Variants in SLC5A4 observed in about 807,000 individuals in gnomAD.
SLC5A4 encodes solute carrier family 5 member 4.
SLC5A4 carries 55 observed loss-of-function variants against 70.3 expected under a neutral mutation model. That is an observed-to-expected ratio of 0.78 (90% CI 0.63 to 0.98). The LOEUF is 0.98. SLC5A4 is among the 50% of genes least tolerant of loss of function. The pLI is 0.00. For missense variants in SLC5A4, 735 were observed against 839.2 expected (o/e 0.88, Z 1.53); for synonymous variants, 268 against 305.7 (o/e 0.88, Z 1.29).
the SLC5A4 span, among the ~76,000 whole-genome samples, chr22:32,306,199 C>T: frequency 6.6e-6 from 1 of 152,220 alleles, no homozygotes; most frequent in Non-Finnish European, 1.5e-5. Flanking sequence ...GGCGCGGTGG[C>T]TCACGCCTGT....
At chr22:32,255,917 G>C (rs759879445), upstream of SLC5A4, among the ~76,000 whole-genome samples, 6 of 152,164 alleles carry the variant, frequency 3.9e-5, no homozygotes, top group Non-Finnish European at 7.3e-5. Flanking sequence ...CAGAGCTGTG[G>C]AGAGCGCTGG....
rs764155612 is a variant in SLC5A4 at position 32,239,538 on chromosome 22, AT to A, written c.478-449del. On this transcript the variant is annotated intron_variant, in intron 5 of 14. Transcript: ENST00000266086. ...GCATATTATATATATATATATATAT[AT>A]ATATATATATATATATATATATATA... Among the ~76,000 whole-genome samples, 202 of 62,874 alleles carry A rather than the reference AT, an allele frequency of 3.2e-3. 7 individuals carry two copies. The highest frequency in any genetic ancestry group is 8.1e-3 in the Middle Eastern group (1 of 124). 41.2% of individuals were successfully genotyped at this position (62,874 alleles called of 152,430 possible). A position where few individuals can be genotyped will look rare whatever the true frequency, so the allele number is the denominator to read the frequency against.
chr22:32,326,114 T>TA, the SLC5A4 span, among the ~76,000 whole-genome samples: 1 of 152,132 alleles, frequency 6.6e-6, no homozygotes, highest in South Asian at 2.1e-4. Context: ...TCTGTGACAA[T>TA]AACCCTTCCT....
At chr22:32,273,378 A>G in the SLC5A4 span, 8 of 175,044 alleles carry the variant, frequency 4.6e-5, no homozygotes, top group African/African-American at 1.9e-4. Flanking sequence ...CTCCATGTCC[A>G]CAGAGGAATG....
At chr22:32,306,426 A>G in the SLC5A4 span, among the ~76,000 whole-genome samples, 6 of 151,016 alleles carry the variant, frequency 4.0e-5, no homozygotes, top group Non-Finnish European at 8.8e-5. Context: ...AGATTGCACC[A>G]CTGCACTCCA....
chr22:32,231,692 T>C (rs1925774653), intron 9 of SLC5A4, among the ~76,000 whole-genome samples: 1 of 152,234 alleles, frequency 6.6e-6, no homozygotes, highest in South Asian at 2.1e-4. Flanking sequence ...CTAATCCTTT[T>C]CTATAGAGAA....
At chr22:32,249,456 T>C (rs1005203569) in intron 3 of SLC5A4, among the ~76,000 whole-genome samples, 5 of 152,136 alleles carry the variant, frequency 3.3e-5, no homozygotes, top group African/African-American at 1.2e-4. Flanking sequence ...GGAGACTGGC[T>C]TCATTCTGGT....
chr22:32,237,896 T>C (rs1225084218), intron 6 of SLC5A4, among the ~76,000 whole-genome samples: 1 of 152,100 alleles, frequency 6.6e-6, no homozygotes, highest in African/African-American at 2.4e-5. Context: ...GAGAGTGTCA[T>C]GAGAAAATAA....
At chr22:32,257,338 G>A (rs1451687200), upstream of SLC5A4, among the ~76,000 whole-genome samples, 1 of 152,128 alleles carries the variant, frequency 6.6e-6, no homozygotes, top group Non-Finnish European at 1.5e-5. Flanking sequence ...TATTTTTGTT[G>A]CTGTTGAATT....
chr22:32,330,998 G>GTTTT, the SLC5A4 span, among the ~76,000 whole-genome samples: 560 of 1,696 alleles, frequency 0.33, 27 homozygotes, highest in Non-Finnish European at 0.36. Context: ...GGGCTCTGGT[G>GTTTT]TGTGTGTTGG....
At chr22:32,340,024 GAAGTA>G in the SLC5A4 span, among the ~76,000 whole-genome samples, 1 of 152,262 alleles carries the variant, frequency 6.6e-6, no homozygotes, top group South Asian at 2.1e-4. Context: ...CACAGGGAGA[GAAGTA>G]AAGGCAGAGA....
At chr22:32,295,904 T>G in the SLC5A4 span, among the ~76,000 whole-genome samples, 1 of 38,392 alleles carries the variant, frequency 2.6e-5, no homozygotes, top group Non-Finnish European at 4.8e-5. Context: ...CACCATTTAT[T>G]AAATAGGGAA....
intron 11 of SLC5A4, among the ~76,000 whole-genome samples, chr22:32,228,456 C>T (rs905139752): frequency 7.2e-5 from 11 of 151,832 alleles, no homozygotes; most frequent in Non-Finnish European, 1.3e-4. Flanking sequence ...GCAGGAGAAT[C>T]GCTTGAACCC....
the SLC5A4 span, among the ~76,000 whole-genome samples, chr22:32,306,731 CTTG>C: frequency 7.2e-5 from 11 of 152,172 alleles, no homozygotes; most frequent in Non-Finnish European, 1.3e-4. Context: ...GGTCTCCTGC[CTTG>C]TTAAGGTGAC....
At chr22:32,286,947 G>A in the SLC5A4 span, among the ~76,000 whole-genome samples, 1 of 152,082 alleles carries the variant, frequency 6.6e-6, no homozygotes, top group African/African-American at 2.4e-5. Context: ...ATTACCTCAG[G>A]GCAAAAGGCA....
At chr22:32,281,315 G>A in the SLC5A4 span, among the ~76,000 whole-genome samples, 22 of 152,126 alleles carry the variant, frequency 1.4e-4, no homozygotes, top group Non-Finnish European at 2.6e-4. Flanking sequence ...TGCTCCCAAC[G>A]GGGCCGCATC....
At chr22:32,224,531 G>T in intron 12 of SLC5A4, 49 bp from the exon 13 acceptor site, 1 of 1,412,240 alleles carries the variant, frequency 7.1e-7, no homozygotes, top group Non-Finnish European at 1.0e-6. Flanking sequence ...AATATGAGAA[G>T]CTTATTCAAG....
intron 14 of SLC5A4, among the ~76,000 whole-genome samples, chr22:32,219,429 A>T (rs934154000): frequency 6.6e-6 from 1 of 152,156 alleles, no homozygotes; most frequent in African/African-American, 2.4e-5. Context: ...AAATGTTTAT[A>T]AAAATCACAA....
the SLC5A4 span, among the ~76,000 whole-genome samples, chr22:32,339,574 CGGGCCCT>C: frequency 5.4e-4 from 83 of 152,318 alleles, no homozygotes; most frequent in Middle Eastern, 0.01. Context: ...TCTGTTCCGC[CGGGCCCT>C]CCTCTTGTGG....
Sources: allele counts gnomAD v4.1 joint callset (sites outside exome capture counted in the v4.1 genomes callset), GRCh38; gene constraint gnomAD v4.1.1; transcripts MANE v1.5; gene names NCBI Gene and HGNC (gene_info 2026-07-23, HGNC 2026-07-21).